Variants in PTPRD observed in about 807,000 individuals in gnomAD.
PTPRD encodes the protein receptor-type tyrosine-protein phosphatase delta.
A neutral mutation model predicts 214.5 loss-of-function variants in PTPRD; 34 were observed. The observed-to-expected ratio is 0.16, with a 90% CI of 0.12 to 0.21. The LOEUF (loss-of-function observed/expected upper bound fraction) is 0.21, where lower values mean the gene tolerates loss of function less well. Among genes scored for constraint, PTPRD ranks in the 10% least tolerant of loss-of-function variants. PTPRD has a pLI of 1.00. For missense variants in PTPRD, 2,545 were observed against 2,398.7 expected (o/e 1.06, Z -1.27); for synonymous variants, 1,128 against 845.7 (o/e 1.33, Z -5.79).
At chr9:9,481,875 T>A (rs1172237678) in intron 8 of PTPRD, among the ~76,000 whole-genome samples, 1 of 152,154 alleles carries the variant, frequency 6.6e-6, no homozygotes, top group African/African-American at 2.4e-5. Context: ...TTTTGATCAT[T>A]TTAGTCAGTT....
intron 10 of PTPRD, among the ~76,000 whole-genome samples, chr9:9,088,071 G>A (rs571305931): frequency 5.3e-5 from 8 of 150,664 alleles, no homozygotes; most frequent in South Asian, 4.2e-4. Context: ...TAGTAGACAC[G>A]GGGTTTCACC....
At chr9:9,954,299 A>AC (rs2093709178) in intron 4 of PTPRD, among the ~76,000 whole-genome samples, 1 of 126,168 alleles carries the variant, frequency 7.9e-6, no homozygotes, top group Non-Finnish European at 1.5e-5. Context: ...TCTCAAAACA[A>AC]AAAAAAAAAA....
In PTPRD at chr9:8,721,262, C is replaced by G. The variant is rs189227102; in HGVS notation, c.64+12518G>C. On this transcript the variant is annotated intron_variant, in intron 12 of 45. Transcript: ENST00000381196. ...TGCCCAACATGGCAAAAACCCCATC[C>G]CTACTAATAATGCAAAAATTAGTCA... Among the ~76,000 whole-genome samples, 313 of 151,518 alleles carry G rather than the reference C, an allele frequency of 2.1e-3. 2 individuals are homozygous for G. The highest frequency in any genetic ancestry group is 7.3e-3 in the African/African-American group (302 of 41,358).
At chr9:9,413,156 G>A (rs532218933) in intron 8 of PTPRD, among the ~76,000 whole-genome samples, 22 of 116,028 alleles carry the variant, frequency 1.9e-4, no homozygotes, top group East Asian at 2.7e-4. Context: ...CGCCCAGGCC[G>A]GACTGCGGAC....
At chr9:10,485,150 T>C (rs2099124434) in intron 2 of PTPRD, among the ~76,000 whole-genome samples, 1 of 152,082 alleles carries the variant, frequency 6.6e-6, no homozygotes, top group African/African-American at 2.4e-5. Context: ...TTTTGGCATA[T>C]TTCTTGAAAA....
rs12347122 is a variant in PTPRD, at chr9:9,076,798, T to A, written c.-142-58063A>T. Among the ~76,000 whole-genome samples, 795 of 151,816 alleles carry A rather than the reference T, an allele frequency of 5.2e-3. 15 individuals are homozygous for A. The highest frequency in any genetic ancestry group is 0.018 in the African/African-American group (754 of 41,460). ...TCTTCAATATGATAATTTCCTTTTT[T>A]TTTTTTTTGGTTATATACCTAGCTG... On this transcript the variant is annotated intron_variant, in intron 10 of 45. Transcript: ENST00000381196.
chr9:8,914,613 T>C lies in PTPRD; in HGVS notation c.-104+104084A>G, dbSNP rs145711295. ...AACAGTTTGAACATATTTGAACAAA[T>C]ATGTGTAGCTGAGTCCATGTTGAGG... On this transcript the variant is annotated intron_variant, in intron 11 of 45. Transcript: ENST00000381196. Among the ~76,000 whole-genome samples, 13 of 152,252 alleles carry C rather than the reference T, an allele frequency of 8.5e-5. No individual in the cohort carries two copies. The East Asian group carries it at 2.5e-3, about 29-fold the overall frequency.
chr9:8,562,390 T>C (rs951894076), intron 14 of PTPRD, among the ~76,000 whole-genome samples: 4 of 152,164 alleles, frequency 2.6e-5, no homozygotes, highest in South Asian at 2.1e-4. Flanking sequence ...TCTCAGTTCC[T>C]GGCTTGGTTT....
intron 8 of PTPRD, among the ~76,000 whole-genome samples, chr9:9,523,310 A>G (rs1265598275): frequency 6.6e-6 from 1 of 152,144 alleles, no homozygotes; most frequent in Non-Finnish European, 1.5e-5. Context: ...TGGAAAAAGC[A>G]GTTACCACTA....
intron 12 of PTPRD, among the ~76,000 whole-genome samples, chr9:8,659,930 AG>A (rs2097000394): frequency 6.6e-6 from 1 of 152,164 alleles, no homozygotes; most frequent in Non-Finnish European, 1.5e-5. Flanking sequence ...AAATGTAGAG[AG>A]AGAGAGAGAG....
intron 35 of PTPRD, among the ~76,000 whole-genome samples, chr9:8,408,493 C>A (rs1481091423): frequency 2.0e-5 from 3 of 152,090 alleles, no homozygotes; most frequent in African/African-American, 4.8e-5. Flanking sequence ...TTTCTTCAGT[C>A]TCCGTTGTGG....
chr9:9,631,901 CAAT>C (rs2095606767), intron 7 of PTPRD, among the ~76,000 whole-genome samples: 1 of 152,050 alleles, frequency 6.6e-6, no homozygotes, highest in African/African-American at 2.4e-5. Flanking sequence ...CATTACATGT[CAAT>C]AAAGAATTAG....
rs116102126 is a variant in PTPRD at position 8,609,124 on chromosome 9, C to T, written c.352+24193G>A. The stretch of plus-strand genomic sequence containing the variant: ...GTGAATGAGAATTTTACGTTTGTCT[C>T]CTCAATGAATGTAATTTTAATATTA... On this transcript the variant is annotated intron_variant, in intron 14 of 45. Coordinates refer to ENST00000381196, the MANE Select transcript of PTPRD (RefSeq NM_002839.4). Among the ~76,000 whole-genome samples the T allele has an allele frequency of 2.0e-3, 306 of 152,332 alleles. 4 individuals carry two copies. The highest frequency in any genetic ancestry group is 7.0e-3 in the African/African-American group (292 of 41,576).
chr9:9,225,865 C>T (rs968713236), intron 9 of PTPRD, among the ~76,000 whole-genome samples: 3 of 151,910 alleles, frequency 2.0e-5, no homozygotes, highest in African/African-American at 7.2e-5. Context: ...AATATAGTAT[C>T]ATATTGATGC....
chr9:9,227,635 A>G (rs2099960372), intron 9 of PTPRD, among the ~76,000 whole-genome samples: 1 of 152,168 alleles, frequency 6.6e-6, no homozygotes, highest in South Asian at 2.1e-4. Flanking sequence ...CCATAAAAAG[A>G]TATCACAACT....
chr9:10,219,112 A>G, intron 3 of PTPRD, among the ~76,000 whole-genome samples: 1 of 151,776 alleles, frequency 6.6e-6, no homozygotes. Context: ...AAAATAATAA[A>G]TTAGAAAGGA....
intron 2 of PTPRD, among the ~76,000 whole-genome samples, chr9:10,562,545 G>C (rs992072906): frequency 6.6e-6 from 1 of 151,950 alleles, no homozygotes; most frequent in Non-Finnish European, 1.5e-5. Flanking sequence ...GAAACATCTT[G>C]AAATCCTGAA....
intron 11 of PTPRD, among the ~76,000 whole-genome samples, chr9:8,960,533 G>T (rs749977360): frequency 6.6e-6 from 1 of 152,232 alleles, no homozygotes; most frequent in Admixed American, 6.6e-5. Flanking sequence ...GCAGTTGGAA[G>T]ATAGAAGAAG....
chr9:9,166,003 T>C (rs1483125061), intron 10 of PTPRD, among the ~76,000 whole-genome samples: 4 of 152,110 alleles, frequency 2.6e-5, no homozygotes, highest in Non-Finnish European at 4.4e-5. Context: ...GTCCCAAATA[T>C]AAATTTAGTC....
Sources: gnomAD v4.1 joint callset for allele counts (sites outside exome capture counted in the v4.1 genomes callset) on GRCh38, gnomAD v4.1.1 for gene constraint, MANE v1.5 for transcripts, NCBI Gene and HGNC (gene_info 2026-07-23, HGNC 2026-07-21) for gene names.